Variants in HS6ST2 observed in about 807,000 individuals in gnomAD.
HS6ST2 encodes the protein heparan-sulfate 6-O-sulfotransferase 2.
Under a neutral mutation model 33.0 loss-of-function variants are expected in HS6ST2, and 17 were observed. The ratio of observed to expected loss-of-function variants is 0.52; its 90% confidence interval spans 0.35 to 0.77. The LOEUF (loss-of-function observed/expected upper bound fraction) is 0.77, where lower values mean the gene tolerates loss of function less well. Ranked by LOEUF, HS6ST2 falls within the 30% of genes least tolerant of loss-of-function variation. The pLI is 0.01. For missense variants in HS6ST2, 519 were observed against 551.7 expected (o/e 0.94, Z 0.59); for synonymous variants, 248 against 237.1 (o/e 1.05, Z -0.42).
chrX:132,755,703 A>G (rs1271693448), intron 2 of HS6ST2, among the ~76,000 whole-genome samples: 1 of 111,386 alleles, frequency 9.0e-6, no homozygotes, highest in Non-Finnish European at 1.9e-5. Context: ...AGTCTTTAAA[A>G]CATATCATTA....
intron 3 of HS6ST2, among the ~76,000 whole-genome samples, chrX:132,684,259 A>G (rs112353785): frequency 4.9e-5 from 5 of 103,092 alleles, no homozygotes; most frequent in Non-Finnish European, 7.8e-5. Context: ...ACACATATAT[A>G]TGTATATATA....
In HS6ST2 at chrX:132,628,094, C is replaced by T; in HGVS notation, c.*129G>A. The T allele has an allele frequency of 2.0e-6, 1 of 489,317 alleles. No individual in the cohort carries two copies. Among genetic ancestry groups the T allele is most frequent in the Non-Finnish European group, 3.4e-6 (1 of 293,058 alleles). 40.3% of individuals were successfully genotyped at this position (489,317 alleles called of 1,213,427 possible). A position where few individuals can be genotyped will look rare whatever the true frequency, so the allele number is the denominator to read the frequency against. On this transcript the variant is annotated 3_prime_UTR_variant, in exon 5 of 5. Coordinates refer to ENST00000370833, the MANE Select transcript of HS6ST2 (RefSeq NM_001394073.1). ...AATTGAAAGGCAACTGTAAAGGCAA[C>T]ATCTAAACTTTTTTTTAAAACTTCC...
intron 2 of HS6ST2, among the ~76,000 whole-genome samples, chrX:132,807,162 G>T (rs1229696108): frequency 9.1e-6 from 1 of 109,997 alleles, no homozygotes; most frequent in Non-Finnish European, 1.9e-5. Flanking sequence ...TGACTCCAAG[G>T]CCTGAGCTCC....
intron 2 of HS6ST2, among the ~76,000 whole-genome samples, chrX:132,812,532 G>T (rs1192267511): frequency 9.4e-6 from 1 of 105,942 alleles, no homozygotes; most frequent in East Asian, 2.9e-4. Context: ...GATTAATGCT[G>T]TTGAGCATCT....
At chrX:132,709,079 C>T (rs1177628077) in intron 2 of HS6ST2, among the ~76,000 whole-genome samples, 2 of 112,274 alleles carry the variant, frequency 1.8e-5, no homozygotes, top group Non-Finnish European at 3.8e-5. Flanking sequence ...CACAAGACAT[C>T]CATCAAAGTA....
intron 3 of HS6ST2, among the ~76,000 whole-genome samples, chrX:132,690,654 C>T (rs1486470702): frequency 8.9e-6 from 1 of 112,063 alleles, no homozygotes; most frequent in Non-Finnish European, 1.9e-5. Flanking sequence ...AGCATTTATT[C>T]CTGACTTTAA....
At chrX:132,706,399 T>C (rs2064189410) in intron 3 of HS6ST2, among the ~76,000 whole-genome samples, 1 of 112,051 alleles carries the variant, frequency 8.9e-6, no homozygotes. Flanking sequence ...ACTTGGAAAC[T>C]CCATTACAAG....
intron 2 of HS6ST2, among the ~76,000 whole-genome samples, chrX:132,946,683 G>T (rs2066960139): frequency 9.0e-6 from 1 of 111,707 alleles, no homozygotes; most frequent in Non-Finnish European, 1.9e-5. Flanking sequence ...GAGTTAATGG[G>T]TGCAGCACAC....
At chrX:132,922,977 C>T (rs1299616478) in intron 2 of HS6ST2, among the ~76,000 whole-genome samples, 2 of 104,819 alleles carry the variant, frequency 1.9e-5, no homozygotes, top group African/African-American at 7.1e-5. Context: ...ACATGAGAAT[C>T]GCTTGAGCCT....
intron 2 of HS6ST2, among the ~76,000 whole-genome samples, chrX:132,946,086 C>A (rs1480020193): frequency 8.9e-6 from 1 of 111,939 alleles, no homozygotes. Context: ...CATCTCACAC[C>A]AGTTAGAATG....
At chrX:132,832,347 AT>A (rs1297504806) in intron 2 of HS6ST2, among the ~76,000 whole-genome samples, 1 of 111,886 alleles carries the variant, frequency 8.9e-6, no homozygotes, top group East Asian at 2.8e-4. Context: ...TTTATTAAAA[AT>A]TTTTTTATCA....
chrX:132,894,297 C>T (rs186195322), intron 2 of HS6ST2, among the ~76,000 whole-genome samples: 1,216 of 102,878 alleles, frequency 0.012, 8 homozygotes, highest in South Asian at 0.054. Context: ...TGCGCCACCA[C>T]GCCCGGCTGA....
chrX:132,642,233 G>A (rs1054281392), intron 4 of HS6ST2, among the ~76,000 whole-genome samples: 1 of 111,535 alleles, frequency 9.0e-6, no homozygotes, highest in African/African-American at 3.3e-5. Flanking sequence ...TGGGAGGCAG[G>A]TACCCTAACT....
chrX:132,858,314 G>A, intron 2 of HS6ST2, among the ~76,000 whole-genome samples: 1 of 112,144 alleles, frequency 8.9e-6, no homozygotes, highest in East Asian at 2.8e-4. Context: ...GTTGTAGACA[G>A]GGAATCTTGA....
At position 132,751,999 on chromosome X, in the gene HS6ST2, C is replaced by G. The variant is rs150365259; in HGVS notation, c.948-43505G>C. Among the ~76,000 whole-genome samples, 47 of 112,132 alleles carry G rather than the reference C, an allele frequency of 4.2e-4. No homozygotes were observed. The East Asian group carries it at 0.012, about 29-fold the overall frequency. ...CATCCTCATTTTATAGATAAAGACA[C>G]TGTGGCTCTGTGGGGGCTACATGAC... On this transcript the variant is annotated intron_variant, in intron 2 of 4. Transcript: ENST00000370833.
intron 2 of HS6ST2, among the ~76,000 whole-genome samples, chrX:132,857,928 C>A (rs1476286400): frequency 8.9e-6 from 1 of 111,998 alleles, no homozygotes; most frequent in Non-Finnish European, 1.9e-5. Context: ...AGACAGTGCA[C>A]GGCATGGCAC....
intron 2 of HS6ST2, among the ~76,000 whole-genome samples, chrX:132,824,457 A>G (rs781004808): frequency 8.9e-6 from 1 of 112,789 alleles, no homozygotes; most frequent in African/African-American, 3.2e-5. Context: ...AACAAAGGCC[A>G]TAAAGTGAAA....
At chrX:132,780,375 T>A in intron 2 of HS6ST2, among the ~76,000 whole-genome samples, 1 of 111,084 alleles carries the variant, frequency 9.0e-6, no homozygotes, top group Non-Finnish European at 1.9e-5. Context: ...TGTGAGCGCA[T>A]AATAGCTACC....
At chrX:132,768,462 T>C (rs1402738951) in intron 2 of HS6ST2, among the ~76,000 whole-genome samples, 1 of 111,435 alleles carries the variant, frequency 9.0e-6, no homozygotes, top group Admixed American at 9.6e-5. Flanking sequence ...ATTTTTTCAA[T>C]GTAAAGAACG....
Sources: allele counts gnomAD v4.1 joint callset (sites outside exome capture counted in the v4.1 genomes callset), GRCh38; gene constraint gnomAD v4.1.1; transcripts MANE v1.5; gene names NCBI Gene and HGNC (gene_info 2026-07-23, HGNC 2026-07-21).